The following RTL8C variants were observed in gnomAD, a reference collection of about 807,000 sequenced individuals.
The protein encoded by RTL8C is retrotransposon Gag like 8C, also known as retrotransposon Gag-like protein 8C.
A neutral mutation model predicts 5.0 loss-of-function variants in RTL8C; 1 was observed. The ratio of observed to expected loss-of-function variants is 0.20; its 90% CI spans 0.07 to 0.95. The LOEUF (loss-of-function observed/expected upper bound fraction) is 0.95. RTL8C is among the 40% of genes least tolerant of loss of function. RTL8C has a pLI of 0.63. For synonymous variants in RTL8C, 37 were observed against 44.5 expected, an observed-to-expected ratio of 0.83 and a Z score of 0.67; for missense variants, 39 against 99.3, an observed-to-expected ratio of 0.39 and a Z score of 2.58.
Position 135,033,040 on chromosome X carries a change from C to T in RTL8C, c.*315C>T. The stretch of plus-strand genomic sequence containing the variant: ...AGCTGCAAGCTGGGCTCCTGTTACA[C>T]ACTGGACAGACCACCCACTGCCGCC... On this transcript the variant is annotated 3_prime_UTR_variant, in exon 1 of 1. Transcript: ENST00000257013. The T allele has an allele frequency of 1.0e-6, 1 of 979,273 alleles. No individual in the cohort carries two copies. Among genetic ancestry groups the T allele is most frequent in the African/African-American group, 1.9e-5 (1 of 52,588 alleles). The allele number at this position is 979,273 out of a possible 1,213,427, so 80.7% of individuals were successfully genotyped here. A position where few individuals can be genotyped will look rare whatever the true frequency, so the allele number is the denominator to read the frequency against.
At position 135,032,380 on chromosome X, in the gene RTL8C, A is replaced by G; in HGVS notation, c.-4A>G. 3 of 1,200,668 alleles carry G rather than the reference A, an allele frequency of 2.5e-6. No individual in the cohort carries two copies. The highest frequency in any genetic ancestry group is 3.5e-5 in the African/African-American group (2 of 57,786). ...ATTGACGTCCAGCGAAGCGAGGAGC[A>G]GCGATGGACGGTCGGGTGCAGCTGA... On this transcript the variant is annotated 5_prime_UTR_variant, in exon 1 of 1. Coordinates refer to ENST00000257013, the MANE Select transcript of RTL8C (RefSeq NM_001078171.2).
rs1201310473 is a variant in RTL8C, at chrX:135,032,569, C to T, written c.186C>T (p.Ala62=). 1 of 1,210,408 alleles carries T rather than the reference C, an allele frequency of 8.3e-7. No homozygotes were observed. The highest frequency in any genetic ancestry group is 1.1e-6 in the Non-Finnish European group (1 of 895,144). ...FVDENTFSSD[A]LKVTFLITRL... ...ACGAGAACACGTTCTCCAGCGACGC[C>T]CTGAAGGTGACGTTCCTCATCACCC... Residue 62 remains alanine, a synonymous_variant, in exon 1 of 1, where the codon GCC becomes GCT. Transcript: ENST00000257013.
At position 135,033,233 on chromosome X, in the gene RTL8C, C is replaced by T; in HGVS notation, c.*508C>T. On this transcript the variant is annotated 3_prime_UTR_variant, in exon 1 of 1. Transcript: ENST00000257013. Reference sequence around the variant, plus strand: ...ATCTGGGCTGGCCACAGTCCCTGGACAGTGATCCAGACAGCTGGCCGCCCC... The same window carrying T: ...ATCTGGGCTGGCCACAGTCCCTGGATAGTGATCCAGACAGCTGGCCGCCCC... The T allele has an allele frequency of 3.6e-6, 2 of 561,863 alleles. No individual in the cohort carries two copies. Among genetic ancestry groups the T allele is most frequent in the Admixed American group, 6.2e-5 (2 of 32,156 alleles). The allele number at this position is 561,863 out of a possible 1,213,427, so 46.3% of individuals were successfully genotyped here.
chrX:135,032,362 T>C lies in RTL8C; in HGVS notation c.-22T>C. 2 of 1,190,753 alleles carry C rather than the reference T, an allele frequency of 1.7e-6. No homozygotes were observed. The highest frequency in any genetic ancestry group is 1.9e-5 in the South Asian group (1 of 53,127). ...CAGAGCCGGGTGGAGCCCATTGACG[T>C]CCAGCGAAGCGAGGAGCAGCGATGG... On this transcript the variant is annotated 5_prime_UTR_variant, in exon 1 of 1. Transcript: ENST00000257013.
rs375862496 is a variant in RTL8C at position 135,032,750 on chromosome X, G to T, written c.*25G>T. On this transcript the variant is annotated 3_prime_UTR_variant, in exon 1 of 1. Transcript: ENST00000257013. ...GGCCGGGAGACCCTCGGGCCTGGGG[G>T]CGGGTGCTCTGGGGAGGGTCCGCTG... 1.0e-5 allele frequency: 12 copies of T among 1,205,328 alleles called. No homozygotes were observed. Among genetic ancestry groups the T allele is most frequent in the Non-Finnish European group, 1.2e-5 (11 of 892,712 alleles).
rs370764734 is a variant in RTL8C at position 135,033,139 on chromosome X, A to T, written c.*414A>T. 391 of 949,997 alleles carry T rather than the reference A, an allele frequency of 4.1e-4. 1 individual carries two copies. Among genetic ancestry groups the T allele is most frequent in the Non-Finnish European group, 5.1e-4 (370 of 723,699 alleles). 78.3% of individuals were successfully genotyped at this position (949,997 alleles called of 1,213,427 possible). On this transcript the variant is annotated 3_prime_UTR_variant, in exon 1 of 1. Transcript: ENST00000257013. The stretch of plus-strand genomic sequence containing the variant: ...TCTGCCCACAGACCTGCGCTGCCAC[A>T]GCCATCGCCATCCATCGCATCCCAC...
Position 135,033,075 on chromosome X carries a change from C to T in RTL8C, c.*350C>T. 1 of 921,928 alleles carries T rather than the reference C, an allele frequency of 1.1e-6. No homozygotes were observed. Among genetic ancestry groups the T allele is most frequent in the Non-Finnish European group, 1.5e-6 (1 of 686,849 alleles). 76.0% of individuals were successfully genotyped at this position (921,928 alleles called of 1,213,427 possible). A position where few individuals can be genotyped will look rare whatever the true frequency, so the allele number is the denominator to read the frequency against. On this transcript the variant is annotated 3_prime_UTR_variant, in exon 1 of 1. Transcript: ENST00000257013. Reference sequence around the variant, plus strand: ...ACCACCCACTGCCGCCGCTGCCAAGCCCTCTCCTCCCCACCAGACTGCCAG... The same window carrying T: ...ACCACCCACTGCCGCCGCTGCCAAGTCCTCTCCTCCCCACCAGACTGCCAG...
In RTL8C at chrX:135,032,407, A is replaced by G. The variant is rs746216507; in HGVS notation, c.24A>G (p.Ile8Met). 4.1e-6 allele frequency: 5 copies of G among 1,209,118 alleles called. No individual in the cohort carries two copies. The highest frequency in any genetic ancestry group is 3.5e-5 in the South Asian group (2 of 56,558). The change falls in exon 1 of 1, where the codon ATA (isoleucine) becomes ATG (methionine). Residue 8 changes from isoleucine (I) to methionine (M), a missense_variant. Transcript: ENST00000257013. ...CGATGGACGGTCGGGTGCAGCTGAT[A>G]AAGGCCCTCCTGGCCTTGCCGATCC... Reference protein sequence around the residue: MDGRVQLIKALLALPIRP... With the variant: MDGRVQLMKALLALPIRP...
In RTL8C at chrX:135,033,263, G is replaced by A; in HGVS notation, c.*538G>A. ...ATCCAGACAGCTGGCCGCCCCCCAAGGGATCTGTCACCTTCAGCGAGACCT... is the reference window on the plus strand; with the variant it reads ...ATCCAGACAGCTGGCCGCCCCCCAAAGGATCTGTCACCTTCAGCGAGACCT... On this transcript the variant is annotated 3_prime_UTR_variant, in exon 1 of 1. Transcript: ENST00000257013. The A allele has an allele frequency of 2.5e-6, 1 of 406,472 alleles. No homozygotes were observed. The highest frequency in any genetic ancestry group is 4.3e-6 in the Non-Finnish European group (1 of 234,293). The allele number at this position is 406,472 out of a possible 1,213,427, so 33.5% of individuals were successfully genotyped here.
Position 135,033,026 on chromosome X carries a change from G to A in RTL8C, c.*301G>A. The A allele has an allele frequency of 3.0e-6, 3 of 1,004,535 alleles. No homozygotes were observed. Among genetic ancestry groups the A allele is most frequent in the Non-Finnish European group, 4.0e-6 (3 of 757,774 alleles). 82.8% of individuals were successfully genotyped at this position (1,004,535 alleles called of 1,213,427 possible). ...CTGTCCTGCGCTCCAGCTGCAAGCT[G>A]GGCTCCTGTTACACACTGGACAGAC... is the stretch of plus-strand genomic sequence containing the variant. On this transcript the variant is annotated 3_prime_UTR_variant, in exon 1 of 1. Coordinates refer to ENST00000257013, the MANE Select transcript of RTL8C (RefSeq NM_001078171.2).
At position 135,032,789 on chromosome X, in the gene RTL8C, C is replaced by T. The variant is rs2083294390; in HGVS notation, c.*64C>T. 5 of 1,171,529 alleles carry T rather than the reference C, an allele frequency of 4.3e-6. No homozygotes were observed. The highest frequency in any genetic ancestry group is 2.5e-5 in the Admixed American group (1 of 39,931). ...GAGGGTCCGCTGTGTTACTGGCCGC[C>T]GCCAGGGTCGCCACCGGCGCCCTCC... is the stretch of plus-strand genomic sequence containing the variant. On this transcript the variant is annotated 3_prime_UTR_variant, in exon 1 of 1. Transcript: ENST00000257013.
In RTL8C at chrX:135,033,006, C is replaced by T; in HGVS notation, c.*281C>T. 1 of 1,041,670 alleles carries T rather than the reference C, an allele frequency of 9.6e-7. No individual in the cohort carries two copies. The highest frequency in any genetic ancestry group is 3.2e-5 in the Admixed American group (1 of 31,325). The allele number at this position is 1,041,670 out of a possible 1,213,427, so 85.8% of individuals were successfully genotyped here. A position where few individuals can be genotyped will look rare whatever the true frequency, so the allele number is the denominator to read the frequency against. On this transcript the variant is annotated 3_prime_UTR_variant, in exon 1 of 1. Transcript: ENST00000257013. ...CTCCCATGTACATTTGGACGCTGTC[C>T]TGCGCTCCAGCTGCAAGCTGGGCTC... is the stretch of plus-strand genomic sequence containing the variant.
chrX:135,033,151 C>T lies in RTL8C; in HGVS notation c.*426C>T. On this transcript the variant is annotated 3_prime_UTR_variant, in exon 1 of 1. Transcript: ENST00000257013. Reference sequence around the variant, plus strand: ...CCTGCGCTGCCACAGCCATCGCCATCCATCGCATCCCACCGACAGACTGCT... The same window carrying T: ...CCTGCGCTGCCACAGCCATCGCCATTCATCGCATCCCACCGACAGACTGCT... 4 of 937,823 alleles carry T rather than the reference C, an allele frequency of 4.3e-6. No individual in the cohort carries two copies. The highest frequency in any genetic ancestry group is 5.6e-6 in the Non-Finnish European group (4 of 712,130). The allele number at this position is 937,823 out of a possible 1,213,427, so 77.3% of individuals were successfully genotyped here. A position where few individuals can be genotyped will look rare whatever the true frequency, so the allele number is the denominator to read the frequency against.
chrX:135,032,553 C>G lies in RTL8C; in HGVS notation c.170C>G (p.Thr57Arg). Residue 57 changes from threonine (T) to arginine (R), a missense_variant, in exon 1 of 1, where the codon ACG becomes AGG. Coordinates refer to ENST00000257013, the MANE Select transcript of RTL8C (RefSeq NM_001078171.2). The stretch of plus-strand genomic sequence containing the variant: ...TCCTACATGTTCGTGGACGAGAACA[C>G]GTTCTCCAGCGACGCCCTGAAGGTG... ...TGSYMFVDEN[T>R]FSSDALKVTF... The G allele has an allele frequency of 1.7e-6, 2 of 1,211,651 alleles. No homozygotes were observed. Among genetic ancestry groups the G allele is most frequent in the Non-Finnish European group, 2.2e-6 (2 of 895,484 alleles).
rs759419702 is a variant in RTL8C, at chrX:135,032,680, C to G, written c.297C>G (p.Ala99=). The change falls in exon 1 of 1, where the codon GCC becomes GCG. Residue 99 remains alanine (A), a synonymous_variant. Coordinates refer to ENST00000257013, the MANE Select transcript of RTL8C (RefSeq NM_001078171.2). ...TCAATGATTACCGGGGCTTTCTGGC[C>G]GAGATGAAGCGAGTCTTTGGATGGG... is the stretch of plus-strand genomic sequence containing the variant. ...PLLNDYRGFL[A]EMKRVFGWEE... 1.4e-5 allele frequency: 17 copies of G among 1,207,013 alleles called. No homozygotes were observed. Among genetic ancestry groups the G allele is most frequent in the Non-Finnish European group, 1.8e-5 (16 of 893,354 alleles).
In RTL8C at chrX:135,033,064, C is replaced by T; in HGVS notation, c.*339C>T. 1 of 945,244 alleles carries T rather than the reference C, an allele frequency of 1.1e-6. No individual in the cohort carries two copies. Among genetic ancestry groups the T allele is most frequent in the Middle Eastern group, 3.1e-4 (1 of 3,245 alleles). 77.9% of individuals were successfully genotyped at this position (945,244 alleles called of 1,213,427 possible). ...ACACTGGACAGACCACCCACTGCCG[C>T]CGCTGCCAAGCCCTCTCCTCCCCAC... is the stretch of plus-strand genomic sequence containing the variant. On this transcript the variant is annotated 3_prime_UTR_variant, in exon 1 of 1. Coordinates refer to ENST00000257013, the MANE Select transcript of RTL8C (RefSeq NM_001078171.2).
In RTL8C at chrX:135,032,379, C is replaced by T; in HGVS notation, c.-5C>T. The T allele has an allele frequency of 1.7e-6, 2 of 1,200,112 alleles. No homozygotes were observed. Among genetic ancestry groups the T allele is most frequent in the Non-Finnish European group, 2.2e-6 (2 of 889,252 alleles). On this transcript the variant is annotated 5_prime_UTR_variant, in exon 1 of 1. Coordinates refer to ENST00000257013, the MANE Select transcript of RTL8C (RefSeq NM_001078171.2). ...CATTGACGTCCAGCGAAGCGAGGAG[C>T]AGCGATGGACGGTCGGGTGCAGCTG... is the stretch of plus-strand genomic sequence containing the variant.
At position 135,033,433 on chromosome X, in the gene RTL8C, A is replaced by G; in HGVS notation, c.*708A>G. 8.7e-6 allele frequency: 2 copies of G among 229,791 alleles called. No individual in the cohort carries two copies. Among genetic ancestry groups the G allele is most frequent in the Non-Finnish European group, 1.7e-5 (2 of 114,592 alleles). The allele number at this position is 229,791 out of a possible 1,213,427, so 18.9% of individuals were successfully genotyped here. A position where few individuals can be genotyped will look rare whatever the true frequency, so the allele number is the denominator to read the frequency against. Reference sequence around the variant, plus strand: ...TTCTGAGTTTGCAACTGTCTCTCTGATGTGTGCCTTTTGTTCAACACAGTA... The same window carrying G: ...TTCTGAGTTTGCAACTGTCTCTCTGGTGTGTGCCTTTTGTTCAACACAGTA... On this transcript the variant is annotated 3_prime_UTR_variant, in exon 1 of 1. Transcript: ENST00000257013.
At position 135,032,767 on chromosome X, in the gene RTL8C, G is replaced by C. The variant is rs749596871; in HGVS notation, c.*42G>C. On this transcript the variant is annotated 3_prime_UTR_variant, in exon 1 of 1. Transcript: ENST00000257013. ...GCCTGGGGGCGGGTGCTCTGGGGAG[G>C]GTCCGCTGTGTTACTGGCCGCCGCC... 1 of 1,198,790 alleles carries C rather than the reference G, an allele frequency of 8.3e-7. No individual in the cohort carries two copies.
Sources: allele counts gnomAD v4.1 joint callset, GRCh38; gene constraint gnomAD v4.1.1; transcripts MANE v1.5; gene names NCBI Gene and HGNC (gene_info 2026-07-23, HGNC 2026-07-21).